Variants in GALNTL6 observed in about 807,000 individuals in gnomAD.
GALNTL6 encodes polypeptide N-acetylgalactosaminyltransferase-like 6.
Under a neutral mutation model 73.7 loss-of-function variants are expected in GALNTL6, and 46 were observed. That is an observed-to-expected ratio of 0.62 (90% confidence interval 0.49 to 0.80). The LOEUF (loss-of-function observed/expected upper bound fraction) is 0.80, where lower values mean the gene tolerates loss of function less well. Ranked by LOEUF, GALNTL6 falls within the 30% of genes least tolerant of loss-of-function variation. The pLI, the probability that GALNTL6 is intolerant of heterozygous loss-of-function variation, is 0.00. For synonymous variants in GALNTL6, 259 were observed against 263.7 expected, an observed-to-expected ratio of 0.98 and a Z score of 0.17; for missense variants, 604 against 755.0, an observed-to-expected ratio of 0.80 and a Z score of 2.34.
At chr4:172,463,723 A>T (rs1732698487) in intron 5 of GALNTL6, among the ~76,000 whole-genome samples, 1 of 152,220 alleles carries the variant, frequency 6.6e-6, no homozygotes, top group Non-Finnish European at 1.5e-5. Context: ...GGAATATTTA[A>T]CTGGAAGACC....
At chr4:172,130,479 A>C (rs1207413103) in intron 2 of GALNTL6, among the ~76,000 whole-genome samples, 1 of 152,066 alleles carries the variant, frequency 6.6e-6, no homozygotes, top group Non-Finnish European at 1.5e-5. Flanking sequence ...GTATACAAAA[A>C]AATTATATAT....
At chr4:171,918,798 T>G (rs1737700356) in intron 2 of GALNTL6, among the ~76,000 whole-genome samples, 1 of 152,238 alleles carries the variant, frequency 6.6e-6, no homozygotes, top group African/African-American at 2.4e-5. Flanking sequence ...TCATGGAATA[T>G]ATTTAGCCTT....
At chr4:172,371,952 A>G (rs1742828808) in intron 5 of GALNTL6, among the ~76,000 whole-genome samples, 1 of 152,144 alleles carries the variant, frequency 6.6e-6, no homozygotes, top group Non-Finnish European at 1.5e-5. Context: ...ATATTGCAGC[A>G]TGGGCATGTA....
intron 7 of GALNTL6, 40 bp from the exon 8 acceptor site, chr4:172,882,750 C>A (rs372373796): frequency 8.1e-7 from 1 of 1,239,686 alleles, no homozygotes; most frequent in Admixed American, 1.7e-5. Context: ...TTGTCTGTAA[C>A]GTTCATAGTC....
chr4:172,491,117 C>T (rs1733878950), intron 5 of GALNTL6, among the ~76,000 whole-genome samples: 1 of 152,070 alleles, frequency 6.6e-6, no homozygotes, highest in Non-Finnish European at 1.5e-5. Flanking sequence ...GTAACATTAG[C>T]ATGGACAAAT....
chr4:172,286,907 C>T (rs889712006), intron 3 of GALNTL6, among the ~76,000 whole-genome samples: 1 of 152,164 alleles, frequency 6.6e-6, no homozygotes, highest in Non-Finnish European at 1.5e-5. Flanking sequence ...ATGCAGTATG[C>T]CCTTCTCGCT....
chr4:172,991,520 C>T (rs1278877528), intron 10 of GALNTL6, among the ~76,000 whole-genome samples: 7 of 152,014 alleles, frequency 4.6e-5, no homozygotes, highest in African/African-American at 1.7e-4. Context: ...CTAACTCAGC[C>T]TCCTGAGTAG....
At chr4:172,839,966 A>G (rs948294930) in intron 7 of GALNTL6, among the ~76,000 whole-genome samples, 1 of 152,236 alleles carries the variant, frequency 6.6e-6, no homozygotes, top group African/African-American at 2.4e-5. Flanking sequence ...TCTGAAGACT[A>G]GTTGTCTTAC....
intron 2 of GALNTL6, among the ~76,000 whole-genome samples, chr4:172,120,667 G>A (rs540030075): frequency 1.2e-4 from 19 of 152,114 alleles, no homozygotes; most frequent in African/African-American, 3.6e-4. Flanking sequence ...AAATAAAGTC[G>A]GGGGGTGGGG....
intron 2 of GALNTL6, among the ~76,000 whole-genome samples, chr4:172,061,940 A>C (rs1220344412): frequency 8.0e-6 from 1 of 125,022 alleles, no homozygotes; most frequent in East Asian, 2.3e-4. Context: ...TGGTATTTTT[A>C]TCCACTTTTT....
intron 2 of GALNTL6, among the ~76,000 whole-genome samples, chr4:171,942,782 C>T (rs1464967914): frequency 1.3e-5 from 2 of 152,170 alleles, no homozygotes; most frequent in African/African-American, 2.4e-5. Context: ...TGCTCAATTA[C>T]GAATGGGTCA....
At chr4:172,222,636 G>A (rs1310154107) in intron 2 of GALNTL6, among the ~76,000 whole-genome samples, 3 of 151,768 alleles carry the variant, frequency 2.0e-5, no homozygotes, top group Non-Finnish European at 1.5e-5. Flanking sequence ...CTCTCTACGA[G>A]CCTGTGTTGT....
intron 2 of GALNTL6, among the ~76,000 whole-genome samples, chr4:172,034,986 T>A (rs1014948128): frequency 1.3e-5 from 2 of 152,152 alleles, no homozygotes; most frequent in Non-Finnish European, 2.9e-5. Context: ...ATTAAACATC[T>A]TAATGTTATG....
At position 172,874,031 on chromosome 4, in the gene GALNTL6, T is replaced by G. The variant is rs559788329; in HGVS notation, c.924-8759T>G. On this transcript the variant is annotated intron_variant, in intron 7 of 12. Transcript: ENST00000506823. ...AACTGTCAAATGTGTATTAAATAAATGAAGCATAAAACAAGCTTTCCTGCA... is the reference window on the plus strand; with the variant it reads ...AACTGTCAAATGTGTATTAAATAAAGGAAGCATAAAACAAGCTTTCCTGCA... Among the ~76,000 whole-genome samples the G allele has an allele frequency of 5.9e-5, 9 of 152,346 alleles. No homozygotes were observed. The South Asian group carries it at 1.9e-3, about 32-fold the overall frequency.
intron 2 of GALNTL6, among the ~76,000 whole-genome samples, chr4:172,125,989 C>G (rs1338935188): frequency 1.3e-5 from 2 of 152,014 alleles, no homozygotes; most frequent in African/African-American, 2.4e-5. Flanking sequence ...TTTTGGGTCA[C>G]TTTCTATACA....
rs146635171 is a variant in GALNTL6 at position 172,732,759 on chromosome 4, C to G, written c.554-76602C>G. Among the ~76,000 whole-genome samples, 17 of 152,152 alleles carry G rather than the reference C, an allele frequency of 1.1e-4. No homozygotes were observed. The East Asian group carries it at 3.3e-3, about 29-fold the overall frequency. On this transcript the variant is annotated intron_variant, in intron 5 of 12. Coordinates refer to ENST00000506823, the MANE Select transcript of GALNTL6 (RefSeq NM_001034845.3). ...TATATTTTATTGATGAAACAAGTTA[C>G]TTTAAAGGGATGGTGACTTATCTTA...
At chr4:172,610,401 T>G (rs1163174103) in intron 5 of GALNTL6, among the ~76,000 whole-genome samples, 4 of 152,118 alleles carry the variant, frequency 2.6e-5, no homozygotes, top group African/African-American at 9.6e-5. Flanking sequence ...TGTTGTATCT[T>G]AGTTTTAATT....
At position 172,634,431 on chromosome 4, in the gene GALNTL6, A is replaced by G. The variant is rs115232091; in HGVS notation, c.554-174930A>G. Among the ~76,000 whole-genome samples the G allele has an allele frequency of 6.2e-3, 939 of 152,160 alleles. 10 individuals carry two copies. Among genetic ancestry groups the G allele is most frequent in the African/African-American group, 0.019 (785 of 41,510 alleles). Reference sequence around the variant, plus strand: ...TGTGGTTGCACTGTCCCCCGTGGCAATAGTTGGCTGGAGCTAAGCAGCTCT... The same window carrying G: ...TGTGGTTGCACTGTCCCCCGTGGCAGTAGTTGGCTGGAGCTAAGCAGCTCT... On this transcript the variant is annotated intron_variant, in intron 5 of 12. Coordinates refer to ENST00000506823, the MANE Select transcript of GALNTL6 (RefSeq NM_001034845.3).
intron 4 of GALNTL6, among the ~76,000 whole-genome samples, chr4:172,327,319 A>T (rs897095426): frequency 6.6e-6 from 1 of 152,130 alleles, no homozygotes; most frequent in Non-Finnish European, 1.5e-5. Flanking sequence ...ATGTCTGATT[A>T]TGTGGTCAAT....
Sources: gnomAD v4.1 joint callset for allele counts (sites outside exome capture counted in the v4.1 genomes callset) on GRCh38, gnomAD v4.1.1 for gene constraint, MANE v1.5 for transcripts, NCBI Gene and HGNC (gene_info 2026-07-23, HGNC 2026-07-21) for gene names.